Variants in COLEC10 observed in about 807,000 individuals in gnomAD.
COLEC10 encodes the protein collectin subfamily member 10.
Under a neutral mutation model 28.4 loss-of-function variants are expected in COLEC10, and 22 were observed. That is an observed-to-expected ratio of 0.78 (90% CI 0.55 to 1.11). COLEC10 has a LOEUF of 1.11. Ranked by LOEUF, COLEC10 falls within the 50% of genes least tolerant of loss-of-function variation. COLEC10 has a pLI of 0.00. For missense variants in COLEC10, 361 were observed against 344.1 expected (o/e 1.05, Z -0.39); for synonymous variants, 125 against 116.1 (o/e 1.08, Z -0.49).
chr8:118,957,477 T>C, the COLEC10 span, among the ~76,000 whole-genome samples: 1 of 152,104 alleles, frequency 6.6e-6, no homozygotes, highest in African/African-American at 2.4e-5. Flanking sequence ...GGGAGTAAAG[T>C]CAATGAGGCT....
At chr8:118,955,967 A>G in the COLEC10 span, among the ~76,000 whole-genome samples, 188 of 152,348 alleles carry the variant, frequency 1.2e-3, 1 homozygote, top group African/African-American at 4.4e-3. Flanking sequence ...ACAACAAACT[A>G]TCATAAACTG....
At chr8:118,969,298 G>A in the COLEC10 span, among the ~76,000 whole-genome samples, 1 of 152,028 alleles carries the variant, frequency 6.6e-6, no homozygotes, top group Non-Finnish European at 1.5e-5. Flanking sequence ...CAGAATGATA[G>A]TAAATTCATG....
intron 1 of COLEC10, among the ~76,000 whole-genome samples, chr8:119,073,164 G>A (rs970500901): frequency 3.3e-5 from 5 of 152,184 alleles, no homozygotes; most frequent in African/African-American, 9.6e-5. Flanking sequence ...AAAATAACTT[G>A]TTCTAGGTCA....
chr8:118,954,937 TG>T, the COLEC10 span, among the ~76,000 whole-genome samples: 1 of 152,242 alleles, frequency 6.6e-6, no homozygotes, highest in African/African-American at 2.4e-5. Context: ...TTAGGTGATT[TG>T]GGAGACAAGG....
chr8:119,070,442 C>CTCT (rs1815080428), intron 1 of COLEC10, among the ~76,000 whole-genome samples: 8 of 130,318 alleles, frequency 6.1e-5, no homozygotes, highest in Admixed American at 8.1e-5. Flanking sequence ...AAATGTTCTC[C>CTCT]CTCGCTCTCT....
At chr8:118,990,133 A>G in the COLEC10 span, among the ~76,000 whole-genome samples, 12 of 152,114 alleles carry the variant, frequency 7.9e-5, no homozygotes, top group Non-Finnish European at 1.5e-5. Flanking sequence ...TTATCAACCA[A>G]CTGTATTACA....
intron 1 of COLEC10, among the ~76,000 whole-genome samples, chr8:119,070,437 TTCTCCCTCGC>T (rs1311913355): frequency 0.027 from 3,168 of 116,624 alleles, 212 homozygotes; most frequent in East Asian, 0.17. Flanking sequence ...AAATGAAATG[TTCTCCCTCGC>T]TCTCTCTCTC....
the COLEC10 span, among the ~76,000 whole-genome samples, chr8:118,989,226 G>A: frequency 2.6e-5 from 4 of 151,998 alleles, no homozygotes; most frequent in Admixed American, 1.3e-4. Flanking sequence ...GCCTCTGATG[G>A]GCTCATTAGT....
At chr8:119,026,807 AC>A (rs1464358464) in intron 2 of COLEC10, among the ~76,000 whole-genome samples, 3 of 152,144 alleles carry the variant, frequency 2.0e-5, no homozygotes, top group Admixed American at 6.5e-5. Context: ...GCTGGGATAA[AC>A]TTTCAGAGTT....
intron 2 of COLEC10, among the ~76,000 whole-genome samples, chr8:119,046,381 CTT>C (rs1295788449): frequency 2.6e-5 from 4 of 152,166 alleles, no homozygotes; most frequent in Non-Finnish European, 5.9e-5. Flanking sequence ...CTAGCAACCT[CTT>C]TTTATTTTAT....
At chr8:119,033,128 G>A (rs370453833) in intron 2 of COLEC10, among the ~76,000 whole-genome samples, 1 of 152,188 alleles carries the variant, frequency 6.6e-6, no homozygotes, top group East Asian at 1.9e-4. Flanking sequence ...AAATGGGGGT[G>A]TGGAGGGCAT....
chr8:118,970,699 A>G, the COLEC10 span, among the ~76,000 whole-genome samples: 1 of 151,666 alleles, frequency 6.6e-6, no homozygotes, highest in Non-Finnish European at 1.5e-5. Flanking sequence ...ATTAGAAAGC[A>G]TTGTGGCTCT....
chr8:119,071,151 C>T (rs190623018), intron 1 of COLEC10, among the ~76,000 whole-genome samples: 7 of 152,280 alleles, frequency 4.6e-5, no homozygotes, highest in East Asian at 1.9e-4. Context: ...CATGACATCA[C>T]GAAACCTCAC....
upstream of COLEC10, chr8:119,067,234 C>T (rs1351998549): frequency 1.3e-6 from 2 of 1,580,238 alleles, no homozygotes; most frequent in Non-Finnish European, 1.7e-6. Flanking sequence ...TAAAATAAAG[C>T]TGTTTATTTG....
chr8:118,993,518 C>G (rs1288457221), upstream of COLEC10, among the ~76,000 whole-genome samples: 1 of 152,036 alleles, frequency 6.6e-6, no homozygotes, highest in Non-Finnish European at 1.5e-5. Flanking sequence ...TCACACCCGG[C>G]TAATTTTTGT....
intron 5 of COLEC10, among the ~76,000 whole-genome samples, chr8:119,105,089 T>A (rs1815910891): frequency 6.6e-6 from 1 of 152,108 alleles, no homozygotes; most frequent in Admixed American, 6.6e-5. Context: ...AGGAATTTGG[T>A]CCAATGTGGA....
At chr8:119,004,627 A>C (rs1018753122) in intron 1 of COLEC10, among the ~76,000 whole-genome samples, 12 of 151,354 alleles carry the variant, frequency 7.9e-5, no homozygotes, top group Admixed American at 3.3e-4. Flanking sequence ...AGATATATAT[A>C]TATCTCCAGA....
chr8:119,061,205 C>T (rs1353648650), intron 2 of COLEC10, among the ~76,000 whole-genome samples: 1 of 151,562 alleles, frequency 6.6e-6, no homozygotes, highest in African/African-American at 2.4e-5. Context: ...AGAAATACAC[C>T]AGAAATTAGA....
At chr8:119,014,183 AT>A (rs1468010595) in intron 2 of COLEC10, among the ~76,000 whole-genome samples, 3 of 150,668 alleles carry the variant, frequency 2.0e-5, no homozygotes, top group Non-Finnish European at 2.9e-5. Context: ...TTTATGTAGA[AT>A]TAAGTTTCTG....
Sources: gnomAD v4.1 joint callset for allele counts (sites outside exome capture counted in the v4.1 genomes callset) on GRCh38, gnomAD v4.1.1 for gene constraint, MANE v1.5 for transcripts, NCBI Gene and HGNC (gene_info 2026-07-23, HGNC 2026-07-21) for gene names.